The following NCR3LG1 variants were observed in gnomAD, a reference collection of about 807,000 sequenced individuals.
The protein encoded by NCR3LG1 is natural killer cell cytotoxicity receptor 3 ligand 1.
Under a neutral mutation model 34.8 loss-of-function variants are expected in NCR3LG1, and 35 were observed. The observed-to-expected ratio is 1.01, with a 90% CI of 0.77 to 1.33. The LOEUF is 1.33. Among genes scored for constraint, NCR3LG1 ranks in the 40% most tolerant of loss-of-function variants. NCR3LG1 has a pLI of 0.00. For missense variants in NCR3LG1, 452 were observed against 423.3 expected (o/e 1.07, Z -0.60); for synonymous variants, 173 against 163.6 (o/e 1.06, Z -0.44).
At chr11:17,371,869 A>G (rs1366923384) in intron 4 of NCR3LG1, 137 bp from the exon 5 acceptor site, 11 of 605,534 alleles carry the variant, frequency 1.8e-5, no homozygotes, top group Non-Finnish European at 2.9e-5. Context: ...GGCAGCACCT[A>G]TAATGGTCAC....
intron 1 of NCR3LG1, among the ~76,000 whole-genome samples, chr11:17,352,243 C>T (rs1269629877): frequency 2.1e-5 from 3 of 142,884 alleles, no homozygotes; most frequent in South Asian, 2.2e-4. Context: ...TGAAGTGGCG[C>T]GATCTCGGCT....
At position 17,372,490 on chromosome 11, in the gene NCR3LG1, CTT is replaced by C. The variant is rs61406813; in HGVS notation, c.1345_1346del (p.Leu449ThrfsTer9). 0.062 allele frequency: 43,220 copies of C among 701,636 alleles called. 1,916 individuals are homozygous for C. The highest frequency in any genetic ancestry group is 0.16 in the Admixed American group (7,960 of 49,882). The allele number at this position is 701,636 out of a possible 1,614,324, so 43.5% of individuals were successfully genotyped here. ...CCAGTTCTATCCTCCCAACCCCCAA[CTT>C]TACTGTTACCCCTACAGTAAATGCC... On this transcript the variant is annotated frameshift_variant, in exon 5 of 5. Transcript: ENST00000338965. LOFTEE classifies it high-confidence loss of function.
At position 17,366,936 on chromosome 11, in the gene NCR3LG1, C is replaced by A. The variant is rs1179912799; in HGVS notation, c.422-73C>A. 40 of 1,111,494 alleles carry A rather than the reference C, an allele frequency of 3.6e-5. 1 individual carries two copies. Among genetic ancestry groups the A allele is most frequent in the Non-Finnish European group, 5.1e-5 (40 of 788,254 alleles). 68.9% of individuals were successfully genotyped at this position (1,111,494 alleles called of 1,614,324 possible). On this transcript the variant is annotated intron_variant, in intron 2 of 4. Coordinates refer to ENST00000338965, the MANE Select transcript of NCR3LG1 (RefSeq NM_001202439.3). Reference sequence around the variant, plus strand: ...CATAGCTGTGAGGGTATGGTAGAAGCCAGTTAGCATAAGGTGTGGTGGGGA... The same window carrying A: ...CATAGCTGTGAGGGTATGGTAGAAGACAGTTAGCATAAGGTGTGGTGGGGA...
At chr11:17,357,080 CTCCACTT>C in intron 2 of NCR3LG1, 79 bp downstream of exon 2, 3 of 901,882 alleles carry the variant, frequency 3.3e-6, no homozygotes, top group Non-Finnish European at 4.9e-6. Flanking sequence ...CCTCTTTGAG[CTCCACTT>C]TCCTGTATTA....
chr11:17,352,746 C>A lies in NCR3LG1; in HGVS notation c.70+707C>A, dbSNP rs371599518. 3.9e-3 allele frequency among the ~76,000 whole-genome samples: 587 copies of A among 151,910 alleles called. 10 individuals carry two copies. The highest frequency in any genetic ancestry group is 7.4e-4 in the Non-Finnish European group (50 of 67,942). Reference sequence around the variant, plus strand: ...TCCTCCTGGCTTTGCTAAGTTAGGTCTTTACTGAGAGAGGGAGGGGAGTGT... The same window carrying A: ...TCCTCCTGGCTTTGCTAAGTTAGGTATTTACTGAGAGAGGGAGGGGAGTGT... On this transcript the variant is annotated intron_variant, in intron 1 of 4. Coordinates refer to ENST00000338965, the MANE Select transcript of NCR3LG1 (RefSeq NM_001202439.3).
intron 3 of NCR3LG1, 86 bp downstream of exon 3, chr11:17,367,433 C>T: frequency 1.8e-6 from 2 of 1,129,318 alleles, no homozygotes; most frequent in Non-Finnish European, 2.5e-6. Flanking sequence ...TGGGTCTTAG[C>T]TGGGGACTGA....
At position 17,356,961 on chromosome 11, in the gene NCR3LG1, C is replaced by A; in HGVS notation, c.381C>A (p.Thr127=). 6.5e-7 allele frequency: 1 copy of A among 1,534,634 alleles called. No individual in the cohort carries two copies. The change falls in exon 2 of 5, where the codon ACC becomes ACA. Residue 127 remains threonine, a synonymous_variant. Coordinates refer to ENST00000338965, the MANE Select transcript of NCR3LG1 (RefSeq NM_001202439.3). ...AGEYRCEVVV[T]PLKAQGTVQL... ...AGTACCGATGTGAGGTGGTGGTCAC[C>A]CCTCTGAAGGCACAGGGAACAGTCC... is the stretch of plus-strand genomic sequence containing the variant.
chr11:17,370,134 G>A (rs1953390193), intron 4 of NCR3LG1, among the ~76,000 whole-genome samples: 1 of 152,204 alleles, frequency 6.6e-6, no homozygotes, highest in Non-Finnish European at 1.5e-5. Context: ...CTACGAGGAT[G>A]GGGTGGAGCT....
At chr11:17,362,396 C>A (rs1473868251) in intron 2 of NCR3LG1, among the ~76,000 whole-genome samples, 1 of 152,120 alleles carries the variant, frequency 6.6e-6, no homozygotes, top group Non-Finnish European at 1.5e-5. Context: ...TTTGTATCTA[C>A]TTTAATGAGT....
Position 17,361,968 on chromosome 11 carries a change from T to G in NCR3LG1, c.421+4967T>G, listed in dbSNP as rs185100904. Among the ~76,000 whole-genome samples the G allele has an allele frequency of 1.5e-3, 225 of 152,358 alleles. 1 individual carries two copies. The highest frequency in any genetic ancestry group is 4.4e-5 in the Non-Finnish European group (3 of 68,040). ...GCCTCATATTTCTTCCATTCTAACT[T>G]TATACCTTTTATTTCCTTTTCTTGT... On this transcript the variant is annotated intron_variant, in intron 2 of 4. Coordinates refer to ENST00000338965, the MANE Select transcript of NCR3LG1 (RefSeq NM_001202439.3).
intron 3 of NCR3LG1, among the ~76,000 whole-genome samples, chr11:17,367,632 G>A (rs1322595228): frequency 6.6e-6 from 1 of 152,104 alleles, no homozygotes; most frequent in Non-Finnish European, 1.5e-5. Context: ...TCAGGGTTTT[G>A]GATGGTCCAT....
chr11:17,352,976 C>T (rs1382565827), intron 1 of NCR3LG1, among the ~76,000 whole-genome samples: 1 of 152,156 alleles, frequency 6.6e-6, no homozygotes, highest in Non-Finnish European at 1.5e-5. Context: ...CTCCTGGGTG[C>T]CGGGTGGTGG....
chr11:17,355,262 T>A (rs1045277151), intron 1 of NCR3LG1, among the ~76,000 whole-genome samples: 19 of 152,050 alleles, frequency 1.2e-4, no homozygotes, highest in Admixed American at 1.0e-3. Context: ...CTGAGCATGG[T>A]GGCATGTGCC....
intron 1 of NCR3LG1, among the ~76,000 whole-genome samples, chr11:17,354,129 G>A (rs1412978289): frequency 6.6e-6 from 1 of 152,252 alleles, no homozygotes; most frequent in African/African-American, 2.4e-5. Flanking sequence ...AAGTTGAAAA[G>A]AGCAATTTGT....
intron 1 of NCR3LG1, among the ~76,000 whole-genome samples, chr11:17,356,000 T>G (rs765034351): frequency 6.6e-6 from 1 of 151,940 alleles, no homozygotes; most frequent in Non-Finnish European, 1.5e-5. Context: ...AAGGTCCCAT[T>G]ATATTGCCTA....
At chr11:17,353,667 C>T (rs935281661) in intron 1 of NCR3LG1, among the ~76,000 whole-genome samples, 1 of 152,174 alleles carries the variant, frequency 6.6e-6, no homozygotes, top group African/African-American at 2.4e-5. Flanking sequence ...CTCAGGGAAG[C>T]GGAGAGGGAG....
chr11:17,380,427 C>T (rs1231940678), downstream of NCR3LG1, among the ~76,000 whole-genome samples: 1 of 152,140 alleles, frequency 6.6e-6, no homozygotes, highest in East Asian at 1.9e-4. Context: ...CTGGGATAGG[C>T]TCTGGCCACC....
At chr11:17,378,361 G>A (rs1953494304), downstream of NCR3LG1, among the ~76,000 whole-genome samples, 1 of 152,156 alleles carries the variant, frequency 6.6e-6, no homozygotes, top group Non-Finnish European at 1.5e-5. Context: ...CCTCTTAAAT[G>A]GATTCCAGTC....
intron 2 of NCR3LG1, among the ~76,000 whole-genome samples, chr11:17,359,496 A>C (rs1382473141): frequency 4.1e-5 from 6 of 146,216 alleles, no homozygotes; most frequent in Non-Finnish European, 9.0e-5. Flanking sequence ...GCTTTTTGGC[A>C]ATTCCTTTTT....
Sources: gnomAD v4.1 joint callset for allele counts (sites outside exome capture counted in the v4.1 genomes callset) on GRCh38, gnomAD v4.1.1 for gene constraint, MANE v1.5 for transcripts, NCBI Gene and HGNC (gene_info 2026-07-23, HGNC 2026-07-21) for gene names.